Variants in PRKG1 observed in about 807,000 individuals in gnomAD.
The protein encoded by PRKG1 is cGMP-dependent protein kinase 1.
Under a neutral mutation model 88.1 loss-of-function variants are expected in PRKG1, and 35 were observed. The ratio of observed to expected loss-of-function variants is 0.40; its 90% CI spans 0.30 to 0.53. The LOEUF (loss-of-function observed/expected upper bound fraction) is 0.53, where lower values mean the gene tolerates loss of function less well. Among genes scored for constraint, PRKG1 ranks in the 20% least tolerant of loss-of-function variants. The pLI is 0.59. For synonymous variants in PRKG1, 303 were observed against 292.5 expected, an observed-to-expected ratio of 1.04 and a Z score of -0.37; for missense variants, 540 against 839.8, an observed-to-expected ratio of 0.64 and a Z score of 4.41.
chr10:51,938,670 G>C (rs1264132404), intron 5 of PRKG1, among the ~76,000 whole-genome samples: 2 of 151,692 alleles, frequency 1.3e-5, no homozygotes, highest in African/African-American at 4.8e-5. Flanking sequence ...CACATGTGAT[G>C]TCCTCCAAGG....
At chr10:51,908,172 T>C (rs1315721994) in intron 5 of PRKG1, 1 of 152,170 alleles carries the variant, frequency 6.6e-6, no homozygotes, top group Non-Finnish European at 1.5e-5. Flanking sequence ...TAGTCTAAAG[T>C]TGTTCTCCTA....
chr10:51,763,664 TA>T (rs1161047541), intron 3 of PRKG1, among the ~76,000 whole-genome samples: 20 of 151,712 alleles, frequency 1.3e-4, no homozygotes, highest in Middle Eastern at 3.4e-3. Flanking sequence ...GTTAATAAAG[TA>T]CCACCTGGAT....
intron 3 of PRKG1, among the ~76,000 whole-genome samples, chr10:51,656,880 A>G (rs1840173995): frequency 6.6e-6 from 1 of 152,110 alleles, no homozygotes; most frequent in Non-Finnish European, 1.5e-5. Flanking sequence ...AGCATAGAGT[A>G]AGGCAAATTT....
At chr10:51,872,876 G>T (rs1231283229) in intron 4 of PRKG1, among the ~76,000 whole-genome samples, 3 of 151,680 alleles carry the variant, frequency 2.0e-5, no homozygotes, top group Non-Finnish European at 4.4e-5. Flanking sequence ...TATTTTCTTA[G>T]GTTCAGAGCC....
intron 3 of PRKG1, among the ~76,000 whole-genome samples, chr10:51,712,782 G>A (rs1841791331): frequency 6.6e-6 from 1 of 151,248 alleles, no homozygotes; most frequent in Admixed American, 6.6e-5. Context: ...GTAGAGACGG[G>A]GTTTCACCAT....
intron 5 of PRKG1, among the ~76,000 whole-genome samples, chr10:52,014,031 T>C (rs1394846197): frequency 1.3e-5 from 2 of 152,048 alleles, no homozygotes; most frequent in Non-Finnish European, 2.9e-5. Context: ...GGAATCCAGA[T>C]AGAATACTCT....
intron 7 of PRKG1, chr10:52,128,040 T>TG (rs1426204786): frequency 4.1e-6 from 4 of 984,412 alleles, no homozygotes; most frequent in Non-Finnish European, 4.8e-6. Flanking sequence ...CTATCAATTT[T>TG]GATTATCCTA....
At chr10:51,920,345 G>A (rs1294083445) in intron 5 of PRKG1, among the ~76,000 whole-genome samples, 2 of 152,130 alleles carry the variant, frequency 1.3e-5, no homozygotes, top group African/African-American at 4.8e-5. Context: ...TCCAGTATAA[G>A]GCCCCGGGGA....
chr10:51,430,675 G>A (rs1343510719), intron 2 of PRKG1, among the ~76,000 whole-genome samples: 1 of 152,066 alleles, frequency 6.6e-6, no homozygotes, highest in Non-Finnish European at 1.5e-5. Flanking sequence ...ACTTCTAATA[G>A]GCAAAAACTG....
At chr10:51,473,755 ATT>A (rs34322474) in intron 3 of PRKG1, among the ~76,000 whole-genome samples, 2 of 148,144 alleles carry the variant, frequency 1.4e-5, no homozygotes, top group African/African-American at 2.5e-5. Context: ...AGAAACACTG[ATT>A]TTTTTTTTTT....
At chr10:51,785,217 A>G (rs1449649301) in intron 3 of PRKG1, among the ~76,000 whole-genome samples, 1 of 151,680 alleles carries the variant, frequency 6.6e-6, no homozygotes, top group East Asian at 1.9e-4. Flanking sequence ...AGTGGGAACC[A>G]GTGCATGAAA....
intron 3 of PRKG1, among the ~76,000 whole-genome samples, chr10:51,527,409 A>T (rs1841909312): frequency 6.6e-6 from 1 of 152,188 alleles, no homozygotes; most frequent in African/African-American, 2.4e-5. Flanking sequence ...TAGGTGCTAC[A>T]AGAGTACTAA....
rs550945801 is a variant in PRKG1, at chr10:51,691,619, A to C, written c.593-112966A>C. 2.6e-5 allele frequency among the ~76,000 whole-genome samples: 4 copies of C among 152,274 alleles called. No individual in the cohort carries two copies. In the East Asian group the frequency reaches 7.7e-4, roughly 29 times the overall value. On this transcript the variant is annotated intron_variant, in intron 3 of 17. Coordinates refer to ENST00000373980, the MANE Select transcript of PRKG1 (RefSeq NM_006258.4). ...GCGTGAGATACCTTGTCTGGCCTTGAGCAAGTTTTTCTATGCTACATTTGT... is the reference window on the plus strand; with the variant it reads ...GCGTGAGATACCTTGTCTGGCCTTGCGCAAGTTTTTCTATGCTACATTTGT...
intron 3 of PRKG1, among the ~76,000 whole-genome samples, chr10:51,766,635 G>C (rs1052874976): frequency 1.3e-5 from 2 of 152,134 alleles, no homozygotes; most frequent in Non-Finnish European, 2.9e-5. Context: ...GGGGAAGAGA[G>C]AGAATGGAAG....
intron 2 of PRKG1, among the ~76,000 whole-genome samples, chr10:51,395,944 A>G (rs1837565406): frequency 6.6e-6 from 1 of 152,226 alleles, no homozygotes; most frequent in South Asian, 2.1e-4. Context: ...TCAAAGTAGG[A>G]TAATTCCAGG....
intron 3 of PRKG1, among the ~76,000 whole-genome samples, chr10:51,713,819 T>A (rs1257004854): frequency 6.6e-6 from 1 of 152,188 alleles, no homozygotes; most frequent in Non-Finnish European, 1.5e-5. Flanking sequence ...TAGTATTGGG[T>A]CAGACAGGGC....
chr10:51,980,365 C>A (rs1397228362), intron 5 of PRKG1, among the ~76,000 whole-genome samples: 1 of 152,048 alleles, frequency 6.6e-6, no homozygotes, highest in Non-Finnish European at 1.5e-5. Flanking sequence ...GATTTCAGTT[C>A]TTTTGCATTT....
intron 3 of PRKG1, among the ~76,000 whole-genome samples, chr10:51,640,231 C>T (rs535947282): frequency 5.3e-5 from 8 of 152,250 alleles, no homozygotes; most frequent in African/African-American, 1.9e-4. Context: ...GGCCGCCCTG[C>T]TTATCATAGC....
At chr10:51,547,696 C>A (rs928113483) in intron 3 of PRKG1, among the ~76,000 whole-genome samples, 1 of 152,122 alleles carries the variant, frequency 6.6e-6, no homozygotes, top group Non-Finnish European at 1.5e-5. Context: ...TGTGCCCCAT[C>A]TTCTCTTACC....
Sources: gnomAD v4.1 joint callset for allele counts (sites outside exome capture counted in the v4.1 genomes callset) on GRCh38, gnomAD v4.1.1 for gene constraint, MANE v1.5 for transcripts, NCBI Gene and HGNC (gene_info 2026-07-23, HGNC 2026-07-21) for gene names.